Variants in NEDD4L observed in about 807,000 individuals in gnomAD.
NEDD4L encodes NEDD4 like E3 ubiquitin protein ligase.
Under a neutral mutation model 148.9 loss-of-function variants are expected in NEDD4L, and 54 were observed. The ratio of observed to expected loss-of-function variants is 0.36; its 90% CI spans 0.29 to 0.45. The LOEUF (loss-of-function observed/expected upper bound fraction) is 0.45. Among genes scored for constraint, NEDD4L ranks in the 20% least tolerant of loss-of-function variants. The probability of loss-of-function intolerance (pLI) is 1.00; values close to 1 mark genes in which losing one functional copy is unlikely to be tolerated. For synonymous variants in NEDD4L, 433 were observed against 440.7 expected (o/e 0.98, Z 0.22); for missense variants, 856 against 1,233.8 (o/e 0.69, Z 4.59).
chr18:58,221,855 C>T (rs373693569), intron 2 of NEDD4L: 6 of 391,216 alleles, frequency 1.5e-5, no homozygotes, highest in South Asian at 1.1e-4. Flanking sequence ...TTTATGTCAG[C>T]GGCATAGTTC....
chr18:58,263,601 T>G (rs934023805), intron 5 of NEDD4L, among the ~76,000 whole-genome samples: 2 of 151,658 alleles, frequency 1.3e-5, no homozygotes, highest in African/African-American at 4.8e-5. Flanking sequence ...CTCACACATG[T>G]CATAACTCAT....
chr18:58,270,313 T>A (rs1481816876), intron 5 of NEDD4L, among the ~76,000 whole-genome samples: 1 of 152,196 alleles, frequency 6.6e-6, no homozygotes, highest in African/African-American at 2.4e-5. Context: ...GTCAACTCAT[T>A]TTTTAGGGCG....
chr18:58,385,398 G>A (rs759191641), intron 25 of NEDD4L, 128 bp from the exon 26 acceptor site: 2 of 779,278 alleles, frequency 2.6e-6, no homozygotes, highest in Non-Finnish European at 4.7e-6. Flanking sequence ...AAACAGTGGG[G>A]GCACAGAGGA....
At chr18:58,244,794 C>G (rs2047057950) in intron 2 of NEDD4L, among the ~76,000 whole-genome samples, 1 of 152,140 alleles carries the variant, frequency 6.6e-6, no homozygotes, top group Non-Finnish European at 1.5e-5. Context: ...CTCTCAGGTT[C>G]AAGCGATTCT....
At chr18:58,270,362 C>T (rs1420426687) in intron 5 of NEDD4L, among the ~76,000 whole-genome samples, 1 of 152,206 alleles carries the variant, frequency 6.6e-6, no homozygotes, top group Admixed American at 6.5e-5. Flanking sequence ...ATCAGGTGGC[C>T]TGAAGCCCAA....
At chr18:58,224,091 T>A (rs2044078025) in intron 2 of NEDD4L, among the ~76,000 whole-genome samples, 2 of 152,188 alleles carry the variant, frequency 1.3e-5, no homozygotes, top group African/African-American at 4.8e-5. Context: ...GGGAGTCCAG[T>A]GGACTCAGTG....
chr18:58,337,411 G>A (rs1019098804), intron 13 of NEDD4L, among the ~76,000 whole-genome samples: 4 of 151,966 alleles, frequency 2.6e-5, no homozygotes, highest in Admixed American at 2.0e-4. Flanking sequence ...TCTTCACCCC[G>A]TGTTTCCCTC....
intron 2 of NEDD4L, among the ~76,000 whole-genome samples, chr18:58,198,513 C>A (rs2041002725): frequency 6.6e-6 from 1 of 152,126 alleles, no homozygotes; most frequent in Admixed American, 6.5e-5. Context: ...GGCAGTGTTT[C>A]CATGGTCCTC....
intron 2 of NEDD4L, among the ~76,000 whole-genome samples, chr18:58,168,175 C>G (rs1211843546): frequency 6.6e-6 from 1 of 152,168 alleles, no homozygotes; most frequent in African/African-American, 2.4e-5. Flanking sequence ...ACTCTGAATC[C>G]TGCTTCTGGT....
At chr18:58,240,935 G>A (rs539516656) in intron 2 of NEDD4L, among the ~76,000 whole-genome samples, 12 of 152,010 alleles carry the variant, frequency 7.9e-5, no homozygotes, top group Non-Finnish European at 1.6e-4. Flanking sequence ...TCAGCTCCCC[G>A]AGTAGCTGGG....
At chr18:58,306,638 T>C (rs1301436846) in intron 5 of NEDD4L, among the ~76,000 whole-genome samples, 1 of 152,012 alleles carries the variant, frequency 6.6e-6, no homozygotes, top group Non-Finnish European at 1.5e-5. Flanking sequence ...TTCTTTTTTT[T>C]TTTTGAAATG....
chr18:58,078,050 T>A (rs974884945), intron 1 of NEDD4L, among the ~76,000 whole-genome samples: 1 of 151,144 alleles, frequency 6.6e-6, no homozygotes, highest in Non-Finnish European at 1.5e-5. Flanking sequence ...AGAAAATTGC[T>A]TGCTCCAGAT....
chr18:58,065,724 C>T (rs1003715685), intron 1 of NEDD4L, among the ~76,000 whole-genome samples: 6 of 152,210 alleles, frequency 3.9e-5, no homozygotes, highest in Non-Finnish European at 7.3e-5. Context: ...CATTACCTTA[C>T]GATAACACCT....
At chr18:58,094,417 G>A (rs2084256975) in intron 1 of NEDD4L, among the ~76,000 whole-genome samples, 1 of 151,894 alleles carries the variant, frequency 6.6e-6, no homozygotes, top group South Asian at 2.1e-4. Flanking sequence ...GAGCTCCCGG[G>A]CTCAAGCGAT....
Position 58,333,797 on chromosome 18 carries a change from TGTC to T in NEDD4L, c.991-20_991-18del. On this transcript the variant is annotated intron_variant, in intron 11 of 30. Transcript: ENST00000400345. ...TAAGAATATATTTCTTGATGCTTCC[TGTC>T]TTTTCCTCTCCTTCCAGCAAAGAGA... 2.5e-6 allele frequency: 4 copies of T among 1,594,428 alleles called. No homozygotes were observed. The highest frequency in any genetic ancestry group is 3.4e-6 in the Non-Finnish European group (4 of 1,162,144).
At chr18:58,351,531 T>A (rs1411909354) in intron 18 of NEDD4L, among the ~76,000 whole-genome samples, 1 of 152,236 alleles carries the variant, frequency 6.6e-6, no homozygotes, top group Non-Finnish European at 1.5e-5. Flanking sequence ...CACTAATATA[T>A]ATGTATTTTC....
intron 1 of NEDD4L, among the ~76,000 whole-genome samples, chr18:58,148,725 A>C (rs2034369135): frequency 6.6e-6 from 1 of 152,194 alleles, no homozygotes. Context: ...TTCTGTCTCC[A>C]AATACAGTCA....
chr18:58,324,940 C>G, intron 8 of NEDD4L, 56 bp from the exon 9 acceptor site: 1 of 1,524,990 alleles, frequency 6.6e-7, no homozygotes, highest in Non-Finnish European at 9.0e-7. Flanking sequence ...GTGATGACCT[C>G]TTACTCACAG....
chr18:58,112,587 C>T (rs986797566), intron 1 of NEDD4L, among the ~76,000 whole-genome samples: 1 of 152,012 alleles, frequency 6.6e-6, no homozygotes, highest in African/African-American at 2.4e-5. Flanking sequence ...CTCCTGGGTT[C>T]AAGTGATTCT....
Sources: allele counts gnomAD v4.1 joint callset (sites outside exome capture counted in the v4.1 genomes callset), GRCh38; gene constraint gnomAD v4.1.1; transcripts MANE v1.5; gene names NCBI Gene and HGNC (gene_info 2026-07-23, HGNC 2026-07-21).